ARNT2: variants seen among roughly 807,000 people sequenced by gnomAD.
The protein encoded by ARNT2 is ARNT protein 2.
A neutral mutation model predicts 91.7 loss-of-function variants in ARNT2; 36 were observed. The ratio of observed to expected loss-of-function variants is 0.39; its 90% CI spans 0.30 to 0.52. ARNT2 has a LOEUF of 0.52. ARNT2 is among the 20% of genes least tolerant of loss of function. ARNT2 has a pLI of 0.72. For missense variants in ARNT2, 775 were observed against 939.3 expected (o/e 0.83, Z 2.29); for synonymous variants, 365 against 347.1 (o/e 1.05, Z -0.57).
At chr15:80,438,022 C>T (rs1896119417) in intron 1 of ARNT2, among the ~76,000 whole-genome samples, 2 of 151,278 alleles carry the variant, frequency 1.3e-5, no homozygotes, top group Non-Finnish European at 2.9e-5. Context: ...ATTCAGTTTT[C>T]CTTAATGCTG....
At chr15:80,423,490 G>GTA (rs143652823) in intron 1 of ARNT2, among the ~76,000 whole-genome samples, 90 of 152,060 alleles carry the variant, frequency 5.9e-4, no homozygotes, top group Middle Eastern at 6.8e-3. Context: ...ATAAGCATGT[G>GTA]TATATATATA....
intron 4 of ARNT2, among the ~76,000 whole-genome samples, chr15:80,473,228 C>T (rs117899057): frequency 3.7e-4 from 57 of 152,230 alleles, no homozygotes; most frequent in African/African-American, 1.0e-3. Flanking sequence ...TGCTCTTAAC[C>T]GTGACTGTTT....
chr15:80,468,667 T>A (rs754566555), intron 3 of ARNT2, among the ~76,000 whole-genome samples: 17 of 152,222 alleles, frequency 1.1e-4, no homozygotes, highest in Non-Finnish European at 1.8e-4. Flanking sequence ...TCCATTGTGG[T>A]TTTTGCTTTT....
chr15:80,560,059 C>T (rs1337621718), intron 11 of ARNT2: 1 of 152,422 alleles, frequency 6.6e-6, no homozygotes, highest in Non-Finnish European at 1.5e-5. Context: ...TACCCACCTT[C>T]CAACTGTGTT....
At chr15:80,548,334 T>C (rs979327717) in intron 8 of ARNT2, among the ~76,000 whole-genome samples, 4 of 152,190 alleles carry the variant, frequency 2.6e-5, no homozygotes, top group Admixed American at 2.0e-4. Flanking sequence ...AGGTGATATT[T>C]AATGGAGAAA....
chr15:80,501,656 G>T (rs1443363023), intron 5 of ARNT2, among the ~76,000 whole-genome samples: 1 of 152,210 alleles, frequency 6.6e-6, no homozygotes, highest in Admixed American at 6.5e-5. Context: ...CCGGTCTCAG[G>T]AGACCCTCCC....
At chr15:80,456,448 G>A (rs1188263926) in intron 2 of ARNT2, among the ~76,000 whole-genome samples, 1 of 152,112 alleles carries the variant, frequency 6.6e-6, no homozygotes, top group Non-Finnish European at 1.5e-5. Flanking sequence ...AGGGGATCCC[G>A]TCAGGTCATT....
intron 1 of ARNT2, among the ~76,000 whole-genome samples, chr15:80,407,799 A>G (rs1260662617): frequency 1.3e-5 from 2 of 152,204 alleles, no homozygotes; most frequent in Admixed American, 1.3e-4. Flanking sequence ...GATTTGAATT[A>G]GTTATATACA....
At chr15:80,469,829 G>T (rs1010842331) in intron 3 of ARNT2, among the ~76,000 whole-genome samples, 1 of 152,124 alleles carries the variant, frequency 6.6e-6, no homozygotes, top group African/African-American at 2.4e-5. Flanking sequence ...TGGTCAGGCT[G>T]GTCTCAAACT....
intron 1 of ARNT2, among the ~76,000 whole-genome samples, chr15:80,408,610 G>A (rs945941492): frequency 1.3e-5 from 2 of 152,200 alleles, no homozygotes; most frequent in Middle Eastern, 3.2e-3. Flanking sequence ...CCTTTGAGAC[G>A]TGTGCGCTAT....
chr15:80,589,403 A>T (rs1330860561), intron 17 of ARNT2, among the ~76,000 whole-genome samples: 1 of 152,108 alleles, frequency 6.6e-6, no homozygotes, highest in African/African-American at 2.4e-5. Context: ...GTAGGTATGT[A>T]CTTTAAGGAG....
In ARNT2 at chr15:80,559,371, C is replaced by T. The variant is rs570289021; in HGVS notation, c.1165-3717C>T. On this transcript the variant is annotated intron_variant, in intron 11 of 18. Coordinates refer to ENST00000303329, the MANE Select transcript of ARNT2 (RefSeq NM_014862.4). Reference sequence around the variant, plus strand: ...CCCGGCCACAGGGCACTGTGGGCAGCGGCCAAGCAGCCACAGGGACATCCT... The same window carrying T: ...CCCGGCCACAGGGCACTGTGGGCAGTGGCCAAGCAGCCACAGGGACATCCT... Among the ~76,000 whole-genome samples the T allele has an allele frequency of 6.9e-4, 105 of 152,308 alleles. 2 individuals are homozygous for T. The South Asian group carries it at 0.021, about 31-fold the overall frequency.
chr15:80,554,848 A>G (rs1359628796), intron 10 of ARNT2: 1 of 491,952 alleles, frequency 2.0e-6, no homozygotes, highest in African/African-American at 1.9e-5. Context: ...AGAAATGGAT[A>G]TTGAGCATGC....
chr15:80,579,872 G>T (rs1898759575), intron 15 of ARNT2, among the ~76,000 whole-genome samples: 1 of 152,216 alleles, frequency 6.6e-6, no homozygotes, highest in Non-Finnish European at 1.5e-5. Context: ...CTGAAGGTGG[G>T]AGGGGTAAAC....
At chr15:80,578,164 C>A (rs980762744) in intron 15 of ARNT2, among the ~76,000 whole-genome samples, 1 of 152,144 alleles carries the variant, frequency 6.6e-6, no homozygotes, top group Non-Finnish European at 1.5e-5. Flanking sequence ...CCACTCTGGA[C>A]AAAGGGGATC....
chr15:80,576,779 A>C, intron 14 of ARNT2, 87 bp from the exon 15 acceptor site: 1 of 1,409,500 alleles, frequency 7.1e-7, no homozygotes, highest in African/African-American at 1.4e-5. Flanking sequence ...TCCCACGCCC[A>C]CCCCTGCACC....
At chr15:80,588,180 T>C (rs1893210206) in intron 17 of ARNT2, among the ~76,000 whole-genome samples, 1 of 152,018 alleles carries the variant, frequency 6.6e-6, no homozygotes, top group African/African-American at 2.4e-5. Context: ...CCACCAGAAG[T>C]GCAAGTTTAT....
intron 1 of ARNT2, among the ~76,000 whole-genome samples, chr15:80,443,805 G>A (rs139811037): frequency 6.6e-6 from 1 of 152,320 alleles, no homozygotes; most frequent in East Asian, 1.9e-4. Flanking sequence ...TCACAAGAGT[G>A]GCCTTGTGAC....
intron 4 of ARNT2, among the ~76,000 whole-genome samples, chr15:80,474,196 C>T (rs765190189): frequency 8.5e-5 from 13 of 152,198 alleles, no homozygotes; most frequent in Admixed American, 4.6e-4. Flanking sequence ...GCCCCATCCA[C>T]GTCCTTCTGA....
Sources: allele counts gnomAD v4.1 joint callset (sites outside exome capture counted in the v4.1 genomes callset), GRCh38; gene constraint gnomAD v4.1.1; transcripts MANE v1.5; gene names NCBI Gene and HGNC (gene_info 2026-07-23, HGNC 2026-07-21).